Variants in IRAK3 observed in about 807,000 individuals in gnomAD.
IRAK3 encodes interleukin 1 receptor associated kinase 3, also known as interleukin-1 receptor-associated kinase 3.
In IRAK3, 57 loss-of-function variants were observed where a neutral mutation model predicts 56.6. The ratio of observed to expected loss-of-function variants is 1.01; its 90% confidence interval spans 0.81 to 1.26. The LOEUF is 1.26. IRAK3 is among the 50% of genes most tolerant of loss of function. The probability of loss-of-function intolerance (pLI) is 0.00; values close to 1 mark genes in which losing one functional copy is unlikely to be tolerated. For synonymous variants in IRAK3, 258 were observed against 255.7 expected (o/e 1.01, Z -0.09); for missense variants, 703 against 719.0 (o/e 0.98, Z 0.25).
At chr12:66,232,437 C>T (rs1456593496) in intron 8 of IRAK3, among the ~76,000 whole-genome samples, 4 of 152,192 alleles carry the variant, frequency 2.6e-5, no homozygotes, top group Non-Finnish European at 5.9e-5. Context: ...TTAGTGCCAA[C>T]TATAACAGTA....
rs1484724867 is a variant in IRAK3, at chr12:66,250,091, C to T, written c.*1920C>T. 1 of 152,104 alleles carries T rather than the reference C, an allele frequency of 6.6e-6. No individual in the cohort carries two copies. The highest frequency in any genetic ancestry group is 6.6e-5 in the Admixed American group (1 of 15,266). The allele number at this position is 152,104 out of a possible 1,614,324, so 9.4% of individuals were successfully genotyped here. On this transcript the variant is annotated 3_prime_UTR_variant, in exon 12 of 12. Coordinates refer to ENST00000261233, the MANE Select transcript of IRAK3 (RefSeq NM_007199.3). ...AATTACCCCTATGAAGCCACATAAT[C>T]AATAATTCAGCTATAATAAACATTG... is the stretch of plus-strand genomic sequence containing the variant.
intron 2 of IRAK3, among the ~76,000 whole-genome samples, chr12:66,207,106 T>C (rs1439549332): frequency 6.6e-6 from 1 of 152,208 alleles, no homozygotes; most frequent in Non-Finnish European, 1.5e-5. Context: ...TCAGTTAAGC[T>C]AAAAGATTGT....
rs542020353 is a variant in IRAK3, at chr12:66,207,691, T to C, written c.317-1765T>C. 9.8e-5 allele frequency among the ~76,000 whole-genome samples: 15 copies of C among 152,302 alleles called. No homozygotes were observed. The East Asian group carries it at 2.7e-3, about 27-fold the overall frequency. On this transcript the variant is annotated intron_variant, in intron 2 of 11. Transcript: ENST00000261233. ...ATTTCCCTCTAAGCATGGCTTTTGC[T>C]GCATCTCATAACTTTTGATATGTTG...
chr12:66,194,778 G>A (rs973059612), intron 1 of IRAK3, among the ~76,000 whole-genome samples: 6 of 150,678 alleles, frequency 4.0e-5, no homozygotes, highest in South Asian at 2.1e-4. Flanking sequence ...GCAGTGAGCC[G>A]GGATCACACT....
intron 1 of IRAK3, among the ~76,000 whole-genome samples, chr12:66,203,043 G>A (rs1399435741): frequency 6.6e-6 from 1 of 152,034 alleles, no homozygotes; most frequent in African/African-American, 2.4e-5. Flanking sequence ...GAAGGAAAAA[G>A]GGAAAATAGA....
At chr12:66,203,682 AT>A (rs778859177) in intron 1 of IRAK3, 28 bp from the exon 2 acceptor site, 1 of 1,605,498 alleles carries the variant, frequency 6.2e-7, no homozygotes, top group Non-Finnish European at 8.5e-7. Flanking sequence ...ACAGTAAACA[AT>A]TCTTTGTTTA....
chr12:66,223,855 A>G (rs1331762770), intron 6 of IRAK3, among the ~76,000 whole-genome samples: 1 of 151,014 alleles, frequency 6.6e-6, no homozygotes, highest in Non-Finnish European at 1.5e-5. Context: ...CTGGGCAAAA[A>G]CCGCAGTAAT....
At chr12:66,240,316 CT>C (rs1278541350) in intron 8 of IRAK3, among the ~76,000 whole-genome samples, 4 of 152,206 alleles carry the variant, frequency 2.6e-5, no homozygotes, top group African/African-American at 9.7e-5. Flanking sequence ...ACACCCATTA[CT>C]GGGCCTTTGC....
intron 8 of IRAK3, among the ~76,000 whole-genome samples, chr12:66,233,858 C>T (rs535174002): frequency 7.0e-6 from 1 of 143,198 alleles, no homozygotes; most frequent in South Asian, 2.2e-4. Flanking sequence ...TAAACCTGTT[C>T]GGGGGAACAG....
chr12:66,202,864 T>A (rs1282157201), intron 1 of IRAK3, among the ~76,000 whole-genome samples: 1 of 150,970 alleles, frequency 6.6e-6, no homozygotes, highest in African/African-American at 2.4e-5. Flanking sequence ...AACCAACCTA[T>A]TGGACAAAGC....
At chr12:66,235,527 G>A (rs2052898218) in intron 8 of IRAK3, among the ~76,000 whole-genome samples, 1 of 151,914 alleles carries the variant, frequency 6.6e-6, no homozygotes, top group African/African-American at 2.4e-5. Flanking sequence ...TCGGGCAGCC[G>A]CCGCTCTGCG....
At chr12:66,231,379 C>A (rs554057244) in intron 8 of IRAK3, among the ~76,000 whole-genome samples, 1 of 152,230 alleles carries the variant, frequency 6.6e-6, no homozygotes, top group East Asian at 1.9e-4. Flanking sequence ...TATTAAATAT[C>A]TTGACAATCC....
At chr12:66,234,272 G>A in intron 8 of IRAK3, 1 of 1,613,188 alleles carries the variant, frequency 6.2e-7, no homozygotes, top group Non-Finnish European at 8.5e-7. Flanking sequence ...CATCTGCTGG[G>A]CCAGAGGGCT....
chr12:66,199,570 G>A (rs146351062), intron 1 of IRAK3, among the ~76,000 whole-genome samples: 1 of 152,246 alleles, frequency 6.6e-6, no homozygotes, highest in Non-Finnish European at 1.5e-5. Context: ...ACATGGCATA[G>A]CTCAGGCTCC....
At chr12:66,244,158 A>G (rs2053002222) in intron 8 of IRAK3, among the ~76,000 whole-genome samples, 1 of 152,232 alleles carries the variant, frequency 6.6e-6, no homozygotes, top group African/African-American at 2.4e-5. Flanking sequence ...TAAGTGTAAG[A>G]AAAGCACAAG....
intron 8 of IRAK3, chr12:66,234,391 C>T (rs2052879698): frequency 9.3e-6 from 15 of 1,611,576 alleles, no homozygotes; most frequent in Middle Eastern, 2.2e-4. Context: ...AAGGACTTTG[C>T]ACCTGGTAGG....
At chr12:66,244,236 A>G (rs1387408272) in intron 8 of IRAK3, among the ~76,000 whole-genome samples, 1 of 152,222 alleles carries the variant, frequency 6.6e-6, no homozygotes, top group East Asian at 1.9e-4. Context: ...GCAACTTCAC[A>G]TATGTATCTT....
At chr12:66,220,129 A>T (rs879639745) in intron 6 of IRAK3, among the ~76,000 whole-genome samples, 2 of 152,154 alleles carry the variant, frequency 1.3e-5, no homozygotes, top group Admixed American at 6.6e-5. Context: ...TGCCAAGACC[A>T]ATGTCAAGGT....
At chr12:66,213,393 C>G (rs2052632784) in intron 5 of IRAK3, among the ~76,000 whole-genome samples, 1 of 152,088 alleles carries the variant, frequency 6.6e-6, no homozygotes, top group African/African-American at 2.4e-5. Flanking sequence ...GGTTACATAC[C>G]ATATGATTCC....
Sources: gnomAD v4.1 joint callset for allele counts (sites outside exome capture counted in the v4.1 genomes callset) on GRCh38, gnomAD v4.1.1 for gene constraint, MANE v1.5 for transcripts, NCBI Gene and HGNC (gene_info 2026-07-23, HGNC 2026-07-21) for gene names.